PPTC7: variants seen among roughly 807,000 people sequenced by gnomAD.
PPTC7 encodes protein phosphatase targeting COQ7, also known as protein phosphatase PTC7 homolog.
In PPTC7, 6 loss-of-function variants were observed where a neutral mutation model predicts 30.8. The observed-to-expected ratio is 0.19, with a 90% CI of 0.11 to 0.38. The LOEUF is 0.38. Among genes scored for constraint, PPTC7 ranks in the 10% least tolerant of loss-of-function variants. PPTC7 has a pLI of 1.00. For missense variants in PPTC7, 218 were observed against 404.8 expected, an observed-to-expected ratio of 0.54 and a Z score of 3.96; for synonymous variants, 163 against 168.1, an observed-to-expected ratio of 0.97 and a Z score of 0.23.
chr12:110,569,281 G>A (rs145864830), intron 1 of PPTC7, among the ~76,000 whole-genome samples: 373 of 150,906 alleles, frequency 2.5e-3, no homozygotes, highest in African/African-American at 8.4e-3. Flanking sequence ...TGAAGTGAGC[G>A]GAGATCACAC....
chr12:110,554,682 A>ATCTTCTACTCAAACTCTTGC (rs2135775532), intron 1 of PPTC7, among the ~76,000 whole-genome samples: 1 of 152,308 alleles, frequency 6.6e-6, no homozygotes, highest in African/African-American at 2.4e-5. Flanking sequence ...CCATCATACA[A>ATCTTCTACTCAAACTCTTGC]TCTTCTACTC....
chr12:110,552,851 G>A (rs1179361060), intron 1 of PPTC7, among the ~76,000 whole-genome samples: 1 of 152,140 alleles, frequency 6.6e-6, no homozygotes, highest in African/African-American at 2.4e-5. Flanking sequence ...GCAATGGGGC[G>A]AGACTCCGTC....
At chr12:110,543,526 C>T (rs900087711) in intron 3 of PPTC7, among the ~76,000 whole-genome samples, 3 of 152,070 alleles carry the variant, frequency 2.0e-5, no homozygotes, top group Non-Finnish European at 2.9e-5. Flanking sequence ...AAGACGCTCT[C>T]ATCTGCTCAG....
chr12:110,542,694 A>AAAAAAG (rs1555213982), intron 3 of PPTC7, among the ~76,000 whole-genome samples: 17 of 146,796 alleles, frequency 1.2e-4, no homozygotes, highest in African/African-American at 2.6e-4. Context: ...AAAAAAAAAA[A>AAAAAAG]AAAAAGAAAA....
At chr12:110,541,076 C>T (rs557916430) in intron 3 of PPTC7, among the ~76,000 whole-genome samples, 150 of 151,486 alleles carry the variant, frequency 9.9e-4, no homozygotes, top group Non-Finnish European at 1.8e-3. Flanking sequence ...CGCCCAGCCG[C>T]CAATCTTATA....
rs149717537 is a variant in PPTC7 at position 110,562,623 on chromosome 12, T to C, written c.224-10655A>G. 3.5e-3 allele frequency among the ~76,000 whole-genome samples: 527 copies of C among 151,496 alleles called. 2 individuals are homozygous for C. Among genetic ancestry groups the C allele is most frequent in the African/African-American group, 0.012 (496 of 41,270 alleles). On this transcript the variant is annotated intron_variant, in intron 1 of 5. Coordinates refer to ENST00000354300, the MANE Select transcript of PPTC7 (RefSeq NM_139283.2). ...GCCTGGCTAACATGGTGAAACTTCA[T>C]CTCTACTAAAAATACAAAAATGACC...
At position 110,582,802 on chromosome 12, in the gene PPTC7, G is replaced by A. The variant is rs988329165; in HGVS notation, c.223+7C>T. The A allele has an allele frequency of 1.9e-6, 3 of 1,552,104 alleles. No homozygotes were observed. Among genetic ancestry groups the A allele is most frequent in the Admixed American group, 1.9e-5 (1 of 52,034 alleles). On this transcript the variant is annotated splice_region_variant and intron_variant, in intron 1 of 5. Transcript: ENST00000354300. ...GCTGGGGCAAGGGAACCGGGTCGGG[G>A]ACTCACCGAGCACGTCCGCGGAACG...
At chr12:110,555,338 C>A (rs1230980634) in intron 1 of PPTC7, among the ~76,000 whole-genome samples, 2 of 152,218 alleles carry the variant, frequency 1.3e-5, no homozygotes, top group East Asian at 3.9e-4. Flanking sequence ...GTAATAAAAA[C>A]TCTGGGATTC....
intron 1 of PPTC7, among the ~76,000 whole-genome samples, chr12:110,560,792 T>C (rs2064432489): frequency 6.6e-6 from 1 of 152,244 alleles, no homozygotes; most frequent in African/African-American, 2.4e-5. Context: ...ATTTCAAATA[T>C]TAAGTAGTAT....
intron 1 of PPTC7, among the ~76,000 whole-genome samples, chr12:110,570,064 T>C (rs967246148): frequency 6.6e-6 from 1 of 152,142 alleles, no homozygotes; most frequent in Admixed American, 6.6e-5. Context: ...AGAGATCAGA[T>C]TGTTACTGTG....
intron 1 of PPTC7, among the ~76,000 whole-genome samples, chr12:110,580,038 A>G (rs2064624118): frequency 6.6e-6 from 1 of 152,040 alleles, no homozygotes; most frequent in African/African-American, 2.4e-5. Flanking sequence ...ACCAAAAAAA[A>G]AAAAGAAAAG....
intron 1 of PPTC7, among the ~76,000 whole-genome samples, chr12:110,570,093 G>C (rs1169307784): frequency 6.6e-6 from 1 of 152,108 alleles, no homozygotes; most frequent in Non-Finnish European, 1.5e-5. Context: ...GAAAGAAGTA[G>C]ACATGGGAGA....
rs1336665556 is a variant in PPTC7 at position 110,551,785 on chromosome 12, T to C, written c.403+4A>G. The C allele has an allele frequency of 1.2e-6, 2 of 1,612,046 alleles. No individual in the cohort carries two copies. Among genetic ancestry groups the C allele is most frequent in the East Asian group, 2.2e-5 (1 of 44,816 alleles). ...AGAGGAAAACACATAAGATACCCAC[T>C]TACCGAGCAAAGGGACTTTATTTTG... On this transcript the variant is annotated splice_donor_region_variant and intron_variant, in intron 2 of 5. Transcript: ENST00000354300.
chr12:110,579,536 G>T (rs1012619012), intron 1 of PPTC7, among the ~76,000 whole-genome samples: 3 of 152,154 alleles, frequency 2.0e-5, no homozygotes, highest in African/African-American at 7.2e-5. Context: ...AGTCAGCAAA[G>T]TTCCTAAGAG....
At chr12:110,545,413 C>T (rs1405874688) in intron 3 of PPTC7, among the ~76,000 whole-genome samples, 1 of 152,120 alleles carries the variant, frequency 6.6e-6, no homozygotes, top group Non-Finnish European at 1.5e-5. Flanking sequence ...ATTTTGACTC[C>T]ATTTCCTGCA....
At chr12:110,576,210 G>A (rs1250018197) in intron 1 of PPTC7, among the ~76,000 whole-genome samples, 1 of 151,972 alleles carries the variant, frequency 6.6e-6, no homozygotes, top group Non-Finnish European at 1.5e-5. Context: ...TTAAAGTACT[G>A]ATTGATCTCA....
chr12:110,579,825 C>T (rs2064621644), intron 1 of PPTC7, among the ~76,000 whole-genome samples: 1 of 152,016 alleles, frequency 6.6e-6, no homozygotes, highest in Non-Finnish European at 1.5e-5. Flanking sequence ...ACAGCCTGGC[C>T]AACATGATGA....
intron 1 of PPTC7, among the ~76,000 whole-genome samples, chr12:110,561,725 G>A (rs986299937): frequency 4.6e-5 from 7 of 152,330 alleles, no homozygotes; most frequent in Admixed American, 3.3e-4. Flanking sequence ...GGGAGGCTGA[G>A]GCGGGTGTAT....
At chr12:110,540,387 T>C (rs941737915) in intron 3 of PPTC7, among the ~76,000 whole-genome samples, 4 of 137,290 alleles carry the variant, frequency 2.9e-5, no homozygotes, top group Non-Finnish European at 6.1e-5. Context: ...AGTGGCACGA[T>C]ATAGGCTCAC....
Sources: gnomAD v4.1 joint callset for allele counts (sites outside exome capture counted in the v4.1 genomes callset) on GRCh38, gnomAD v4.1.1 for gene constraint, MANE v1.5 for transcripts, NCBI Gene and HGNC (gene_info 2026-07-23, HGNC 2026-07-21) for gene names.